ASH1L: variants seen among roughly 807,000 people sequenced by gnomAD.
The protein encoded by ASH1L is histone-lysine N-methyltransferase ASH1L.
Under a neutral mutation model 269.0 loss-of-function variants are expected in ASH1L, and 23 were observed. The observed-to-expected ratio is 0.09, with a 90% CI of 0.06 to 0.12. The LOEUF (loss-of-function observed/expected upper bound fraction) is 0.12. Among genes scored for constraint, ASH1L ranks in the 10% least tolerant of loss-of-function variants. ASH1L has a pLI of 1.00. For missense variants in ASH1L, 2,912 were observed against 3,567.8 expected, an observed-to-expected ratio of 0.82 and a Z score of 4.68; for synonymous variants, 1,187 against 1,253.5, an observed-to-expected ratio of 0.95 and a Z score of 1.12.
At chr1:155,560,775 TTC>T (rs1283741312) in intron 1 of ASH1L, among the ~76,000 whole-genome samples, 2 of 152,184 alleles carry the variant, frequency 1.3e-5, no homozygotes, top group Admixed American at 6.5e-5. Context: ...TGTGAAAGCC[TTC>T]TCTCCCTCAC....
chr1:155,454,605 T>C (rs1227008356), intron 4 of ASH1L, among the ~76,000 whole-genome samples: 1 of 151,832 alleles, frequency 6.6e-6, no homozygotes, highest in Non-Finnish European at 1.5e-5. Flanking sequence ...CCATCTCTAG[T>C]AAAAATACAA....
In ASH1L at chr1:155,562,627, C is replaced by A. The variant is rs1414283293; in HGVS notation, c.-574G>T. 6.5e-7 allele frequency: 1 copy of A among 1,526,874 alleles called. No individual in the cohort carries two copies. The highest frequency in any genetic ancestry group is 8.8e-7 in the Non-Finnish European group (1 of 1,141,004). 94.6% of individuals were successfully genotyped at this position (1,526,874 alleles called of 1,614,324 possible). A position where few individuals can be genotyped will look rare whatever the true frequency, so the allele number is the denominator to read the frequency against. ...CCGCACGCGTACGAGTGTCTACGGG[C>A]TCGTCGCTGGCTGCTCCCACCAACC... is the stretch of plus-strand genomic sequence containing the variant. On this transcript the variant is annotated 5_prime_UTR_variant, in exon 1 of 28. Transcript: ENST00000392403.
chr1:155,433,214 T>C, intron 5 of ASH1L: 1 of 1,548,774 alleles, frequency 6.5e-7, no homozygotes, highest in Non-Finnish European at 8.7e-7. Flanking sequence ...GCCTGCCTTC[T>C]TGCCCCCTCC....
At chr1:155,516,876 A>T (rs1668535385) in intron 2 of ASH1L, among the ~76,000 whole-genome samples, 1 of 152,162 alleles carries the variant, frequency 6.6e-6, no homozygotes, top group East Asian at 1.9e-4. Flanking sequence ...AAAAAATAAA[A>T]TACACAGGAA....
At position 155,481,735 on chromosome 1, in the gene ASH1L, T is replaced by C; in HGVS notation, c.1135A>G (p.Thr379Ala). The C allele has an allele frequency of 1.9e-6, 3 of 1,614,216 alleles. No homozygotes were observed. Among genetic ancestry groups the C allele is most frequent in the Non-Finnish European group, 2.5e-6 (3 of 1,180,030 alleles). The change falls in exon 3 of 28, where the codon ACT becomes GCT. Residue 379 changes from threonine to alanine, a missense_variant. By Grantham distance (58) the Thr-to-Ala change is moderately conservative (BLOSUM62 0). Coordinates refer to ENST00000392403, the MANE Select transcript of ASH1L (RefSeq NM_018489.3). ...CAGTCCTTGGCCACTAGGCCAACAGTAGAACCCAATTTCTTTCCCAAATCT... is the reference window on the plus strand; with the variant it reads ...CAGTCCTTGGCCACTAGGCCAACAGCAGAACCCAATTTCTTTCCCAAATCT... ...NKDLGKKLGS[T>A]VGLVAKDCAK...
chr1:155,492,336 C>A (rs1666864020), intron 2 of ASH1L, among the ~76,000 whole-genome samples: 1 of 152,182 alleles, frequency 6.6e-6, no homozygotes, highest in Non-Finnish European at 1.5e-5. Flanking sequence ...AGCCACCACG[C>A]CCAGTCTTGT....
In ASH1L at chr1:155,438,363, G is replaced by T; in HGVS notation, c.5792C>A (p.Pro1931Gln). Residue 1931 changes from proline (P) to glutamine (Q), a missense_variant, in exon 5 of 28, where the codon CCA (proline) becomes CAA (glutamine). Physicochemically the swap from Pro to Gln is moderately conservative, Grantham distance 76. This residue lies in a region of ASH1L where 789 missense variants were observed against 897.6 expected (regional missense o/e 0.88). Transcript: ENST00000392403. Reference protein sequence around the residue: ...LEEQTRKKQKPLPEEEEQENN... With the variant: ...LEEQTRKKQKQLPEEEEQENN... The stretch of plus-strand genomic sequence containing the variant: ...CTCTTGCTCTTCTTCCTCTGGTAAT[G>T]GCTTCTGCTTTTTTCTGGTCTGTTC... The T allele has an allele frequency of 6.3e-7, 1 of 1,589,606 alleles. No individual in the cohort carries two copies. The highest frequency in any genetic ancestry group is 8.5e-7 in the Non-Finnish European group (1 of 1,171,434).
At chr1:155,449,284 T>A (rs1053089813) in intron 4 of ASH1L, among the ~76,000 whole-genome samples, 8 of 152,208 alleles carry the variant, frequency 5.3e-5, no homozygotes, top group Admixed American at 2.6e-4. Context: ...GATTTCATTT[T>A]TGGGGATTCA....
chr1:155,474,421 A>C (rs1199970333), intron 3 of ASH1L, among the ~76,000 whole-genome samples: 1 of 152,128 alleles, frequency 6.6e-6, no homozygotes, highest in African/African-American at 2.4e-5. Context: ...AAAGTGGCTC[A>C]GAGTGGTGAC....
chr1:155,347,460 A>C (rs1483591774), intron 20 of ASH1L, among the ~76,000 whole-genome samples, 196 bp downstream of exon 20: 1 of 152,154 alleles, frequency 6.6e-6, no homozygotes, highest in Non-Finnish European at 1.5e-5. Flanking sequence ...AAAGAAAAAG[A>C]AGGGAAGGAT....
chr1:155,352,633 T>C (rs1654032806), intron 17 of ASH1L, 73 bp downstream of exon 17: 1 of 1,434,130 alleles, frequency 7.0e-7, no homozygotes, highest in Admixed American at 2.5e-5. Context: ...AGCAAGACCC[T>C]ATCTCTATTT....
chr1:155,382,181 G>C (rs996685458), intron 7 of ASH1L, among the ~76,000 whole-genome samples: 1 of 150,354 alleles, frequency 6.7e-6, no homozygotes, highest in Non-Finnish European at 1.5e-5. Flanking sequence ...ACTCCAGCAG[G>C]CAACGACACA....
intron 2 of ASH1L, among the ~76,000 whole-genome samples, chr1:155,494,243 C>T (rs998235440): frequency 6.6e-6 from 1 of 152,122 alleles, no homozygotes; most frequent in Non-Finnish European, 1.5e-5. Context: ...AAGCAAAGGC[C>T]CTGAGCCAGG....
intron 5 of ASH1L, among the ~76,000 whole-genome samples, chr1:155,428,972 C>A (rs929509556): frequency 6.6e-6 from 1 of 152,092 alleles, no homozygotes; most frequent in Non-Finnish European, 1.5e-5. Flanking sequence ...TCTAGCGCCA[C>A]TGGGTTAGGG....
intron 2 of ASH1L, among the ~76,000 whole-genome samples, chr1:155,497,361 T>C (rs957688236): frequency 6.6e-6 from 1 of 152,200 alleles, no homozygotes; most frequent in African/African-American, 2.4e-5. Context: ...GCAGGCTTCA[T>C]AGCATATGGA....
intron 6 of ASH1L, among the ~76,000 whole-genome samples, chr1:155,407,803 C>CA (rs1659420456): frequency 1.3e-5 from 2 of 151,778 alleles, no homozygotes; most frequent in Non-Finnish European, 2.9e-5. Flanking sequence ...TGAAAAAACT[C>CA]AGTCACAAAA....
chr1:155,548,845 T>C (rs1259698611), intron 1 of ASH1L, among the ~76,000 whole-genome samples: 1 of 152,188 alleles, frequency 6.6e-6, no homozygotes, highest in East Asian at 1.9e-4. Context: ...ACCTCAAGAC[T>C]TGTACACCCA....
chr1:155,341,477 AC>A (rs1419845775), intron 25 of ASH1L, among the ~76,000 whole-genome samples: 1 of 152,176 alleles, frequency 6.6e-6, no homozygotes, highest in Non-Finnish European at 1.5e-5. Context: ...CGCCTGGCTC[AC>A]AAATTTTATA....
intron 10 of ASH1L, among the ~76,000 whole-genome samples, chr1:155,372,179 A>T (rs1204535026): frequency 6.6e-6 from 1 of 151,638 alleles, no homozygotes; most frequent in Non-Finnish European, 1.5e-5. Flanking sequence ...TTTAGTAGAG[A>T]TGGGGTTTCA....
Sources: allele counts gnomAD v4.1 joint callset (sites outside exome capture counted in the v4.1 genomes callset), GRCh38; gene constraint gnomAD v4.1.1; regional missense constraint gnomAD v4.1.1; transcripts MANE v1.5; gene names NCBI Gene and HGNC (gene_info 2026-07-23, HGNC 2026-07-21).